The following CLNK variants were observed in gnomAD, a reference collection of about 807,000 sequenced individuals.
CLNK encodes cytokine-dependent hematopoietic cell linker.
A neutral mutation model predicts 68.6 loss-of-function variants in CLNK; 74 were observed. The observed-to-expected ratio is 1.08, with a 90% CI of 0.89 to 1.31. The LOEUF (loss-of-function observed/expected upper bound fraction) is 1.31. Among genes scored for constraint, CLNK ranks in the 50% most tolerant of loss-of-function variants. The pLI is 0.00. For missense variants in CLNK, 553 were observed against 515.3 expected, an observed-to-expected ratio of 1.07 and a Z score of -0.71; for synonymous variants, 198 against 172.2, an observed-to-expected ratio of 1.15 and a Z score of -1.17.
In CLNK at chr4:10,587,596, A is replaced by G. The variant is rs544318042; in HGVS notation, c.84-2641T>C. ...GTGAAGCAGTAAGATGTTTGTAACC[A>G]GGAGACCACGGTCTACAAGTTGAGT... On this transcript the variant is annotated intron_variant, in intron 3 of 18. Coordinates refer to ENST00000226951, the MANE Select transcript of CLNK (RefSeq NM_052964.4). Among the ~76,000 whole-genome samples, 6 of 152,336 alleles carry G rather than the reference A, an allele frequency of 3.9e-5. No individual in the cohort carries two copies. In the East Asian group the frequency reaches 1.2e-3, roughly 29 times the overall value.
the CLNK span, among the ~76,000 whole-genome samples, chr4:10,710,553 T>C: frequency 6.6e-6 from 1 of 152,186 alleles, no homozygotes; most frequent in African/African-American, 2.4e-5. Flanking sequence ...CATGAACTCA[T>C]TTCATTGTCA....
chr4:10,503,775 T>A (rs1461900253), intron 17 of CLNK, among the ~76,000 whole-genome samples: 3 of 2,712 alleles, frequency 1.1e-3, no homozygotes, highest in African/African-American at 3.3e-3. Flanking sequence ...TTAGAGACTT[T>A]TTTTTTTTTT....
chr4:10,656,331 CAAA>C (rs33941894), intron 2 of CLNK, among the ~76,000 whole-genome samples: 26,462 of 89,118 alleles, frequency 0.3, 2,667 homozygotes, highest in Non-Finnish European at 0.33. Context: ...AATGCCTGAC[CAAA>C]AAAAAAAAAA....
chr4:10,649,079 T>A (rs191420682), intron 2 of CLNK, among the ~76,000 whole-genome samples: 210 of 152,298 alleles, frequency 1.4e-3, no homozygotes, highest in Middle Eastern at 3.4e-3. Flanking sequence ...CGTTAGTGAA[T>A]CACGTTAAGC....
chr4:10,605,513 T>A (rs1047376352), intron 2 of CLNK, among the ~76,000 whole-genome samples: 3 of 151,698 alleles, frequency 2.0e-5, no homozygotes, highest in African/African-American at 7.3e-5. Context: ...ACAGTAAAAA[T>A]AAGTTAAAAA....
intron 2 of CLNK, among the ~76,000 whole-genome samples, chr4:10,649,568 T>C (rs1033394665): frequency 2.6e-5 from 4 of 152,148 alleles, no homozygotes; most frequent in Non-Finnish European, 5.9e-5. Context: ...CCCACCTGTG[T>C]GTAAAACTGG....
At chr4:10,561,536 A>C (rs1719887965) in intron 7 of CLNK, among the ~76,000 whole-genome samples, 1 of 152,230 alleles carries the variant, frequency 6.6e-6, no homozygotes, top group African/African-American at 2.4e-5. Context: ...AGGGATTGCC[A>C]GTCATTTACA....
chr4:10,538,698 A>T (rs1718898631), intron 11 of CLNK, among the ~76,000 whole-genome samples: 1 of 152,210 alleles, frequency 6.6e-6, no homozygotes, highest in South Asian at 2.1e-4. Flanking sequence ...ATTTATATTT[A>T]TCCATCATCT....
intron 8 of CLNK, among the ~76,000 whole-genome samples, chr4:10,552,659 C>T (rs1033526859): frequency 4.6e-5 from 7 of 152,076 alleles, no homozygotes; most frequent in African/African-American, 1.7e-4. Flanking sequence ...GCACCTGTTA[C>T]CTGCCCTCCC....
the CLNK span, among the ~76,000 whole-genome samples, chr4:10,707,528 C>A: frequency 6.6e-6 from 1 of 152,208 alleles, no homozygotes; most frequent in African/African-American, 2.4e-5. Flanking sequence ...TTAGGCTGAA[C>A]CAATGTATAC....
intron 12 of CLNK, among the ~76,000 whole-genome samples, chr4:10,530,954 T>C (rs926700825): frequency 4.6e-5 from 7 of 152,248 alleles, no homozygotes; most frequent in Admixed American, 6.5e-5. Flanking sequence ...ATCTATGTTA[T>C]CTTTCTTGGC....
At chr4:10,519,201 A>G (rs1008147382) in intron 15 of CLNK, among the ~76,000 whole-genome samples, 5 of 152,316 alleles carry the variant, frequency 3.3e-5, no homozygotes, top group African/African-American at 4.8e-5. Context: ...GAACCTAAGC[A>G]ACCCCAGTAC....
chr4:10,554,623 A>T (rs1356484400), intron 8 of CLNK, among the ~76,000 whole-genome samples: 1 of 152,256 alleles, frequency 6.6e-6, no homozygotes, highest in Non-Finnish European at 1.5e-5. Flanking sequence ...AATGAGCATT[A>T]TATCAATGTC....
intron 2 of CLNK, among the ~76,000 whole-genome samples, chr4:10,615,193 A>G (rs896954018): frequency 1.5e-4 from 22 of 146,814 alleles, no homozygotes; most frequent in Middle Eastern, 3.9e-3. Flanking sequence ...AAAAAACAAG[A>G]AAGAGGCTGG....
the CLNK span, among the ~76,000 whole-genome samples, chr4:10,694,194 C>T: frequency 2.0e-5 from 3 of 151,174 alleles, no homozygotes; most frequent in African/African-American, 4.9e-5. Flanking sequence ...CCAAATATAC[C>T]GCCTCTTTTG....
intron 18 of CLNK, among the ~76,000 whole-genome samples, chr4:10,499,493 A>G (rs1716948027): frequency 6.6e-6 from 1 of 152,214 alleles, no homozygotes. Flanking sequence ...CTGGTCAGAC[A>G]CGGGATTTAA....
intron 3 of CLNK, among the ~76,000 whole-genome samples, chr4:10,596,728 A>G (rs1038764447): frequency 5.9e-5 from 9 of 152,262 alleles, no homozygotes; most frequent in African/African-American, 1.9e-4. Flanking sequence ...CAAAAACATC[A>G]TCTGTTGCTC....
At chr4:10,624,853 T>C (rs1444533051) in intron 2 of CLNK, among the ~76,000 whole-genome samples, 1 of 152,124 alleles carries the variant, frequency 6.6e-6, no homozygotes, top group Non-Finnish European at 1.5e-5. Context: ...GTGTTATGGC[T>C]GTGAGAAATA....
Position 10,637,583 on chromosome 4 carries a change from C to CTTTT in CLNK, c.11+30272_11+30275dup, listed in dbSNP as rs1158317670. 4.1e-4 allele frequency among the ~76,000 whole-genome samples: 29 copies of CTTTT among 71,438 alleles called. 1 individual carries two copies. The highest frequency in any genetic ancestry group is 8.2e-4 in the Admixed American group (4 of 4,890). 46.9% of individuals were successfully genotyped at this position (71,438 alleles called of 152,430 possible). On this transcript the variant is annotated intron_variant, in intron 2 of 18. Transcript: ENST00000226951. ...CTCCTGGAACATGCCCACCATTCCT[C>CTTTT]TTTTTTTTTTTTTTTTTTTTTTTTT...
Sources: gnomAD v4.1 joint callset for allele counts (sites outside exome capture counted in the v4.1 genomes callset) on GRCh38, gnomAD v4.1.1 for gene constraint, MANE v1.5 for transcripts, NCBI Gene and HGNC (gene_info 2026-07-23, HGNC 2026-07-21) for gene names.